VPS13D: variants seen among roughly 807,000 people sequenced by gnomAD.
VPS13D encodes the protein intermembrane lipid transfer protein VPS13D.
A neutral mutation model predicts 461.9 loss-of-function variants in VPS13D; 187 were observed. That is an observed-to-expected ratio of 0.40 (90% confidence interval 0.36 to 0.46). The LOEUF (loss-of-function observed/expected upper bound fraction) is 0.46, where lower values mean the gene tolerates loss of function less well. VPS13D is among the 20% of genes least tolerant of loss of function. The pLI, the probability that VPS13D is intolerant of heterozygous loss-of-function variation, is 0.60. For missense variants in VPS13D, 4,711 were observed against 5,364.9 expected, an observed-to-expected ratio of 0.88 and a Z score of 3.81; for synonymous variants, 1,951 against 1,986.3, an observed-to-expected ratio of 0.98 and a Z score of 0.47.
chr1:12,290,839 A>G (rs868133901), intron 22 of VPS13D, among the ~76,000 whole-genome samples, 159 bp from the exon 23 acceptor site: 5 of 151,414 alleles, frequency 3.3e-5, no homozygotes, highest in Admixed American at 2.6e-4. Flanking sequence ...TGCATAAAAT[A>G]TTTTTTGGGG....
At chr1:12,321,171 A>G (rs898717211) in intron 32 of VPS13D, among the ~76,000 whole-genome samples, 2 of 152,166 alleles carry the variant, frequency 1.3e-5, no homozygotes, top group Non-Finnish European at 2.9e-5. Context: ...TTATTATAGA[A>G]CATTTCAAAC....
chr1:12,279,622 T>C lies in VPS13D; in HGVS notation c.4574T>C (p.Ile1525Thr), dbSNP rs769467676. The change falls in exon 20 of 70, where the codon ATT (isoleucine) becomes ACT (threonine). Residue 1525 changes from isoleucine to threonine, a missense_variant. Transcript: ENST00000620676. This position sits in a 1 kb window ranked among gnomAD's most constrained non-coding sequence, Gnocchi z 4.3. ...CTGGGAACTTCTAGCATCATGAAGATTGAAGGAAAATTTGTCAATCCAGTT... is the reference window on the plus strand; with the variant it reads ...CTGGGAACTTCTAGCATCATGAAGACTGAAGGAAAATTTGTCAATCCAGTT... ...DDLGTSSIMK[I>T]EGKFVNPVQV... The C allele has an allele frequency of 8.1e-6, 13 of 1,611,760 alleles. 1 individual carries two copies. The highest frequency in any genetic ancestry group is 5.0e-5 in the Admixed American group (3 of 59,944).
At chr1:12,297,251 T>G (rs867353932) in intron 24 of VPS13D, among the ~76,000 whole-genome samples, 1 of 152,316 alleles carries the variant, frequency 6.6e-6, no homozygotes, top group Middle Eastern at 3.4e-3. Context: ...AACTTTGAAT[T>G]TCTTTGTATT....
intron 60 of VPS13D, among the ~76,000 whole-genome samples, chr1:12,399,885 T>G (rs1644551343): frequency 6.6e-6 from 1 of 152,202 alleles, no homozygotes; most frequent in African/African-American, 2.4e-5. Context: ...TTTTATGTTG[T>G]GGAATGGCTA....
At chr1:12,319,653 A>G (rs767941792) in intron 32 of VPS13D, 23 bp downstream of exon 32, 1 of 1,614,136 alleles carries the variant, frequency 6.2e-7, no homozygotes, top group Non-Finnish European at 8.5e-7. Flanking sequence ...TGTGTTGATC[A>G]CAGCACTGCG....
At chr1:12,455,890 G>T (rs943003186) in intron 65 of VPS13D, 108 bp from the exon 66 acceptor site, 212 of 1,367,090 alleles carry the variant, frequency 1.6e-4, no homozygotes, top group Non-Finnish European at 2.0e-4. Context: ...CTACAGACCA[G>T]CATGGGCTTA....
chr1:12,277,611 G>T lies in VPS13D; in HGVS notation c.4023G>T (p.Ser1341=), dbSNP rs137909177. The T allele has an allele frequency of 1.2e-6, 2 of 1,613,826 alleles. No individual in the cohort carries two copies. Among genetic ancestry groups the T allele is most frequent in the Non-Finnish European group, 1.7e-6 (2 of 1,180,012 alleles). The change falls in exon 19 of 70, where the codon TCG becomes TCT. Residue 1341 remains serine (S), a synonymous_variant. Transcript: ENST00000620676. ...TKTAEYSEMV[S]LFETPRKTRE... The stretch of plus-strand genomic sequence containing the variant: ...CTGCCGAGTATAGCGAGATGGTATC[G>T]CTCTTTGAAACTCCAAGGAAGACTC...
intron 21 of VPS13D, among the ~76,000 whole-genome samples, chr1:12,287,863 A>C (rs565669964): frequency 3.0e-4 from 46 of 152,318 alleles, no homozygotes; most frequent in Admixed American, 7.8e-4. Context: ...TGAAAAATTT[A>C]TCAAAATGAG....
chr1:12,309,629 G>A (rs1642675373), intron 27 of VPS13D, among the ~76,000 whole-genome samples: 2 of 151,764 alleles, frequency 1.3e-5, no homozygotes, highest in South Asian at 4.2e-4. Context: ...AGGCATGGTG[G>A]CGTGTGCCTG....
rs748771292 is a variant in VPS13D at position 12,358,535 on chromosome 1, G to A, written c.10075G>A (p.Gly3359Ser). Residue 3359 changes from glycine to serine, a missense_variant, in exon 50 of 70, where the codon GGT (glycine) becomes AGT (serine). Physicochemically the swap from Gly to Ser is moderately conservative, Grantham distance 56. This residue lies in a region of VPS13D where 4,411 missense variants were observed against 4,937.8 expected (regional missense o/e 0.89). Transcript: ENST00000620676. ...GWCQGFSLDG[G>S]SGVRALKVIQ... ...GTGTCAGGGCTTCTCCCTGGATGGT[G>A]GTAGTGGTGTCCGAGCTTTGAAAGT... 3.7e-6 allele frequency: 6 copies of A among 1,614,176 alleles called. No homozygotes were observed. In the South Asian group the frequency reaches 6.6e-5, roughly 18 times the overall value.
At chr1:12,491,144 A>C (rs1451457129) in intron 67 of VPS13D, among the ~76,000 whole-genome samples, 1 of 152,206 alleles carries the variant, frequency 6.6e-6, no homozygotes, top group Admixed American at 6.5e-5. Flanking sequence ...TATCAGTAAG[A>C]TACTTGATTA....
intron 30 of VPS13D, among the ~76,000 whole-genome samples, chr1:12,317,812 T>A (rs1003024105): frequency 3.9e-5 from 6 of 152,202 alleles, no homozygotes; most frequent in Non-Finnish European, 8.8e-5. Flanking sequence ...ACCACTGAGC[T>A]ATACTACCTA....
Position 12,379,581 on chromosome 1 carries a change from T to C in VPS13D, c.11175T>C (p.His3725=), listed in dbSNP as rs941106294. The C allele has an allele frequency of 1.9e-6, 3 of 1,613,262 alleles. No individual in the cohort carries two copies. Among genetic ancestry groups the C allele is most frequent in the African/African-American group, 1.3e-5 (1 of 74,874 alleles). The part of the protein sequence containing the change: ...FREGKLTCGL[H]GLVVQAKGGL... ...AAGGAAAACTGACCTGTGGGTTACA[T>C]GGGTTGGTCGTCCAGGTCAGTCGTT... Residue 3725 remains histidine (H), a synonymous_variant, in exon 57 of 70, where the codon CAT becomes CAC. Coordinates refer to ENST00000620676, the MANE Select transcript of VPS13D (RefSeq NM_015378.4).
chr1:12,458,004 T>A (rs1265161955), intron 66 of VPS13D, among the ~76,000 whole-genome samples: 1 of 152,216 alleles, frequency 6.6e-6, no homozygotes, highest in Non-Finnish European at 1.5e-5. Flanking sequence ...GCCAGCATCC[T>A]TGTGACGTGG....
chr1:12,342,671 T>A, intron 41 of VPS13D: 1 of 432,352 alleles, frequency 2.3e-6, no homozygotes, highest in East Asian at 3.3e-5. Context: ...GGTAAGTGGC[T>A]ACAGAGTGAC....
intron 13 of VPS13D, among the ~76,000 whole-genome samples, chr1:12,265,668 T>G (rs970446522): frequency 5.9e-5 from 9 of 152,152 alleles, no homozygotes; most frequent in African/African-American, 1.9e-4. Context: ...AAGACTTAAG[T>G]GGAGGAAGTA....
Position 12,505,056 on chromosome 1 carries a change from A to C in VPS13D, c.12795-1797A>C, listed in dbSNP as rs1238721217. On this transcript the variant is annotated intron_variant, in intron 68 of 69. Coordinates refer to ENST00000620676, the MANE Select transcript of VPS13D (RefSeq NM_015378.4). This position sits in a 1 kb window ranked among gnomAD's most constrained non-coding sequence, Gnocchi z 4.2. Reference sequence around the variant, plus strand: ...CATGCACATTCCTGCTGTCATCCCAATCATGGTGGCCAACTTTGGAGTCTC... The same window carrying C: ...CATGCACATTCCTGCTGTCATCCCACTCATGGTGGCCAACTTTGGAGTCTC... Among the ~76,000 whole-genome samples, 1 of 152,142 alleles carries C rather than the reference A, an allele frequency of 6.6e-6. No individual in the cohort carries two copies. Among genetic ancestry groups the C allele is most frequent in the Non-Finnish European group, 1.5e-5 (1 of 68,028 alleles).
intron 67 of VPS13D, among the ~76,000 whole-genome samples, chr1:12,480,387 G>A (rs886605926): frequency 2.0e-5 from 3 of 152,166 alleles, no homozygotes; most frequent in African/African-American, 4.8e-5. Flanking sequence ...TGGGTGCCAC[G>A]GATCCTGGAC....
At chr1:12,462,593 T>C (rs1467042805) in intron 67 of VPS13D, among the ~76,000 whole-genome samples, 1 of 152,186 alleles carries the variant, frequency 6.6e-6, no homozygotes, top group Non-Finnish European at 1.5e-5. Context: ...CCAGCCTATG[T>C]CTTGACCCTG....
Sources: allele counts gnomAD v4.1 joint callset (sites outside exome capture counted in the v4.1 genomes callset), GRCh38; gene constraint gnomAD v4.1.1; regional missense constraint gnomAD v4.1.1; non-coding constraint Gnocchi (gnomAD v3.1); transcripts MANE v1.5; gene names NCBI Gene and HGNC (gene_info 2026-07-23, HGNC 2026-07-21).